TMEFF1: variants seen among roughly 807,000 people sequenced by gnomAD.
TMEFF1 encodes the protein tomoregulin-1.
In TMEFF1, 20 loss-of-function variants were observed where a neutral mutation model predicts 47.5. That is an observed-to-expected ratio of 0.42 (90% confidence interval 0.30 to 0.61). TMEFF1 has a LOEUF of 0.61. Among genes scored for constraint, TMEFF1 ranks in the 20% least tolerant of loss-of-function variants. The pLI is 0.19. For synonymous variants in TMEFF1, 162 were observed against 166.3 expected (o/e 0.97, Z 0.20); for missense variants, 411 against 471.1 (o/e 0.87, Z 1.18).
At position 100,484,354 on chromosome 9, in the gene TMEFF1, G is replaced by T. The variant is rs190102684; in HGVS notation, c.196+10614G>T. ...TTTTTTTGAGATGGAGTCTCTCTCT[G>T]TTGCCCAGGCTGGAGTGCAATGGTG... is the stretch of plus-strand genomic sequence containing the variant. On this transcript the variant is annotated intron_variant, in intron 1 of 9. Transcript: ENST00000374879. 2.4e-3 allele frequency among the ~76,000 whole-genome samples: 347 copies of T among 147,562 alleles called. 2 individuals are homozygous for T. The highest frequency in any genetic ancestry group is 8.4e-3 in the African/African-American group (334 of 39,870).
At chr9:100,503,083 A>C (rs1185530088) in intron 2 of TMEFF1, among the ~76,000 whole-genome samples, 1 of 152,192 alleles carries the variant, frequency 6.6e-6, no homozygotes, top group African/African-American at 2.4e-5. Context: ...ATGACCTGAC[A>C]TGCCCATTAA....
rs1837812933 is a variant in TMEFF1 at position 100,504,008 on chromosome 9, A to G, written c.307-4997A>G. Among the ~76,000 whole-genome samples the G allele has an allele frequency of 2.0e-5, 3 of 152,350 alleles. 1 individual carries two copies. In the South Asian group the frequency reaches 6.2e-4, roughly 32 times the overall value. ...TTCAGCATAGTTCCTGACACACAGT[A>G]GGTACACAATAAATGCTTGAATGGA... On this transcript the variant is annotated intron_variant, in intron 2 of 9. Transcript: ENST00000374879.
intron 7 of TMEFF1, among the ~76,000 whole-genome samples, chr9:100,559,364 G>A (rs139053242): frequency 2.9e-4 from 44 of 152,236 alleles, no homozygotes; most frequent in African/African-American, 1.0e-3. Context: ...AGAGTACCCA[G>A]CATATACAAG....
intron 5 of TMEFF1, among the ~76,000 whole-genome samples, chr9:100,539,321 T>A (rs1441898723): frequency 6.6e-6 from 1 of 152,224 alleles, no homozygotes; most frequent in Non-Finnish European, 1.5e-5. Context: ...TAAGCTTTCC[T>A]ACTGTGTCCG....
chr9:100,561,501 A>G lies in TMEFF1; in HGVS notation c.880A>G (p.Thr294Ala). 6.2e-7 allele frequency: 1 copy of G among 1,612,898 alleles called. No individual in the cohort carries two copies. The highest frequency in any genetic ancestry group is 1.7e-5 in the Admixed American group (1 of 59,818). The change falls in exon 8 of 10, where the codon ACT (threonine) becomes GCT (alanine). Residue 294 changes from threonine (T) to alanine (A), a missense_variant. Thr to Ala is a moderately conservative substitution (Grantham distance 58). Transcript: ENST00000374879. ...IHGKCEFIYS[T>A]QKASCRCESG... is the part of the protein sequence containing the mutation. ...TGGAAAATGTGAATTCATCTATTCTACTCAGAAGGCTTCTTGTAGGTAAGT... is the reference window on the plus strand; with the variant it reads ...TGGAAAATGTGAATTCATCTATTCTGCTCAGAAGGCTTCTTGTAGGTAAGT...
At chr9:100,503,560 A>ACG (rs926927473) in intron 2 of TMEFF1, among the ~76,000 whole-genome samples, 4 of 151,762 alleles carry the variant, frequency 2.6e-5, no homozygotes, top group African/African-American at 9.7e-5. Flanking sequence ...ACACACACAC[A>ACG]CACACACACA....
intron 7 of TMEFF1, among the ~76,000 whole-genome samples, chr9:100,556,408 A>C (rs1253028049): frequency 2.0e-5 from 3 of 152,176 alleles, no homozygotes; most frequent in Non-Finnish European, 4.4e-5. Context: ...CTAAACTCTT[A>C]AATGTGCGGG....
chr9:100,566,381 G>A (rs1839125490), intron 8 of TMEFF1, among the ~76,000 whole-genome samples: 1 of 152,036 alleles, frequency 6.6e-6, no homozygotes, highest in African/African-American at 2.4e-5. Context: ...ATCTCAACAG[G>A]ACCAAAGCTG....
chr9:100,522,591 C>T (rs1838183438), intron 5 of TMEFF1, among the ~76,000 whole-genome samples: 1 of 151,746 alleles, frequency 6.6e-6, no homozygotes, highest in Admixed American at 6.6e-5. Context: ...TACCTGCCAC[C>T]ACGCCTGGCT....
At chr9:100,478,182 A>G (rs1837270484) in intron 1 of TMEFF1, among the ~76,000 whole-genome samples, 1 of 151,930 alleles carries the variant, frequency 6.6e-6, no homozygotes, top group Non-Finnish European at 1.5e-5. Flanking sequence ...CAGATTTCTG[A>G]CCTCCCTAGC....
At chr9:100,565,639 C>A (rs1305181700) in intron 8 of TMEFF1, among the ~76,000 whole-genome samples, 1 of 152,198 alleles carries the variant, frequency 6.6e-6, no homozygotes, top group East Asian at 1.9e-4. Flanking sequence ...CCTCCTCTCT[C>A]ATCCTCACTC....
chr9:100,511,668 G>A (rs1257551143), intron 3 of TMEFF1, among the ~76,000 whole-genome samples: 1 of 152,124 alleles, frequency 6.6e-6, no homozygotes, highest in East Asian at 1.9e-4. Flanking sequence ...TCTTCCTTCT[G>A]TGACATCTCC....
intron 5 of TMEFF1, among the ~76,000 whole-genome samples, chr9:100,532,440 C>T (rs1384062123): frequency 1.3e-5 from 2 of 152,176 alleles, no homozygotes; most frequent in Non-Finnish European, 2.9e-5. Flanking sequence ...CATGAACAGA[C>T]ATTTCTCAAA....
At chr9:100,513,224 A>G in intron 3 of TMEFF1, 83 bp from the exon 4 acceptor site, 4 of 1,560,626 alleles carry the variant, frequency 2.6e-6, no homozygotes, top group South Asian at 2.4e-5. Context: ...TCACAGTTTT[A>G]TTTTTGATAG....
chr9:100,487,120 T>G (rs1289103960), intron 1 of TMEFF1, among the ~76,000 whole-genome samples: 2 of 151,754 alleles, frequency 1.3e-5, no homozygotes, highest in Non-Finnish European at 2.9e-5. Flanking sequence ...ATAGCTTTTT[T>G]TCTTCTTTCT....
rs140465220 is a variant in TMEFF1, at chr9:100,494,301, C to T, written c.197-4464C>T. Among the ~76,000 whole-genome samples the T allele has an allele frequency of 2.0e-4, 30 of 151,196 alleles. No individual in the cohort carries two copies. The East Asian group carries it at 5.8e-3, about 29-fold the overall frequency. Reference sequence around the variant, plus strand: ...TTATCATGTGGTCTCTGATGTAGCACAAAATTTTTTAAGACCATTGCTTAG... The same window carrying T: ...TTATCATGTGGTCTCTGATGTAGCATAAAATTTTTTAAGACCATTGCTTAG... On this transcript the variant is annotated intron_variant, in intron 1 of 9. Coordinates refer to ENST00000374879, the MANE Select transcript of TMEFF1 (RefSeq NM_003692.5).
chr9:100,526,322 TC>T (rs35614428), intron 5 of TMEFF1, among the ~76,000 whole-genome samples: 4,564 of 152,288 alleles, frequency 0.03, 86 homozygotes, highest in African/African-American at 0.037. Context: ...CTTACTGACT[TC>T]CATTTTGAAA....
At chr9:100,479,086 A>T (rs1224288172) in intron 1 of TMEFF1, among the ~76,000 whole-genome samples, 1 of 152,228 alleles carries the variant, frequency 6.6e-6, no homozygotes, top group African/African-American at 2.4e-5. Flanking sequence ...TTGGGAATAA[A>T]AGTGAGTTTT....
intron 7 of TMEFF1, among the ~76,000 whole-genome samples, chr9:100,558,438 T>C (rs1312008497): frequency 1.3e-5 from 2 of 151,956 alleles, no homozygotes; most frequent in Admixed American, 6.6e-5. Flanking sequence ...GCATTTTTAG[T>C]TTGAAACTGT....
Sources: gnomAD v4.1 joint callset for allele counts (sites outside exome capture counted in the v4.1 genomes callset) on GRCh38, gnomAD v4.1.1 for gene constraint, MANE v1.5 for transcripts, NCBI Gene and HGNC (gene_info 2026-07-23, HGNC 2026-07-21) for gene names.